TBC1D16: variants seen among roughly 807,000 people sequenced by gnomAD.
TBC1D16 encodes the protein TBC1 domain family member 16.
TBC1D16 carries 58 observed loss-of-function variants against 74.7 expected under a neutral mutation model. The ratio of observed to expected loss-of-function variants is 0.78; its 90% CI spans 0.63 to 0.97. The LOEUF is 0.97. Ranked by LOEUF, TBC1D16 falls within the 50% of genes least tolerant of loss-of-function variation. TBC1D16 has a pLI of 0.00. For synonymous variants in TBC1D16, 493 were observed against 474.7 expected (o/e 1.04, Z -0.50); for missense variants, 1,014 against 1,079.5 (o/e 0.94, Z 0.85).
rs1447434936 is a variant in TBC1D16 at position 79,941,850 on chromosome 17, C to T, written c.2055+210G>A. Among the ~76,000 whole-genome samples, 1 of 151,558 alleles carries T rather than the reference C, an allele frequency of 6.6e-6. No homozygotes were observed. The highest frequency in any genetic ancestry group is 1.5e-5 in the Non-Finnish European group (1 of 67,996). On this transcript the variant is annotated intron_variant, in intron 11 of 11. Transcript: ENST00000310924. The surrounding 1 kb of genome is among the most constrained non-coding windows in gnomAD (Gnocchi z 4.3). ...ACCCCAGGAAAGTGAGGTGACACAG[C>T]CAGGCCGAGACAGGTGCTGACCACG...
In TBC1D16 at chr17:80,009,875, C is replaced by G. The variant is rs920078671; in HGVS notation, c.779+285G>C. On this transcript the variant is annotated intron_variant, in intron 3 of 11. Transcript: ENST00000310924. The surrounding 1 kb of genome is among the most constrained non-coding windows in gnomAD (Gnocchi z 5.4). ...AGCCTTGGTCATGGGCCCATCAGACCTGGTAGGGCCTGTTTAGTCCTAGTG... is the reference window on the plus strand; with the variant it reads ...AGCCTTGGTCATGGGCCCATCAGACGTGGTAGGGCCTGTTTAGTCCTAGTG... 6.6e-6 allele frequency among the ~76,000 whole-genome samples: 1 copy of G among 152,194 alleles called. No homozygotes were observed. The highest frequency in any genetic ancestry group is 2.4e-5 in the African/African-American group (1 of 41,454).
intron 1 of TBC1D16, among the ~76,000 whole-genome samples, chr17:80,032,992 G>A (rs563787374): frequency 6.6e-6 from 1 of 152,266 alleles, no homozygotes; most frequent in Admixed American, 6.5e-5. Flanking sequence ...CCAGCCCCCG[G>A]TCAAGTTGTA....
At chr17:80,011,621 T>A (rs1173820332) in intron 2 of TBC1D16, among the ~76,000 whole-genome samples, 1 of 152,040 alleles carries the variant, frequency 6.6e-6, no homozygotes, top group African/African-American at 2.4e-5. Flanking sequence ...GGTCAGGAGA[T>A]CGAGACCATC....
chr17:80,034,190 T>C (rs1034247886), intron 1 of TBC1D16, among the ~76,000 whole-genome samples: 1 of 125,380 alleles, frequency 8.0e-6, no homozygotes, highest in Admixed American at 8.4e-5. Context: ...AGATAAAAAC[T>C]TTTTTTTTCC....
rs780785193 is a variant in TBC1D16 at position 79,952,772 on chromosome 17, C to T, written c.826G>A (p.Gly276Ser). Residue 276 changes from glycine to serine, a missense_variant, in exon 4 of 12, where the codon GGC becomes AGC. By Grantham distance (56) the Gly-to-Ser change is moderately conservative (BLOSUM62 0). Transcript: ENST00000310924. The stretch of plus-strand genomic sequence containing the variant: ...TCCCAGCGTGGGGTCTGCAGGAGGC[C>T]GTTGCTGTCCGGGAACCGCAGGCCG... ...DAGLRFPDSN[G>S]LLQTPRWDEP... 2.4e-5 allele frequency: 38 copies of T among 1,611,784 alleles called. No homozygotes were observed. Among genetic ancestry groups the T allele is most frequent in the East Asian group, 2.2e-4 (10 of 44,842 alleles).
At chr17:80,017,680 C>CAAAAAA (rs57336950) in intron 1 of TBC1D16, among the ~76,000 whole-genome samples, 4 of 84,848 alleles carry the variant, frequency 4.7e-5, no homozygotes, top group Non-Finnish European at 7.2e-5. Flanking sequence ...GACTCCATCT[C>CAAAAAA]AAAAAAAAAA....
chr17:79,947,706 C>A lies in TBC1D16; in HGVS notation c.1667G>T (p.Gly556Val), dbSNP rs972521398. 1.2e-6 allele frequency: 2 copies of A among 1,614,144 alleles called. No individual in the cohort carries two copies. Among genetic ancestry groups the A allele is most frequent in the Non-Finnish European group, 1.7e-6 (2 of 1,180,038 alleles). The change falls in exon 9 of 12, where the codon GGT (glycine) becomes GTT (valine). Residue 556 changes from glycine to valine, a missense_variant. Coordinates refer to ENST00000310924, the MANE Select transcript of TBC1D16 (RefSeq NM_019020.4). ...DESDTFWCFV[G>V]LMQNTIFVSS... is the part of the protein sequence containing the mutation. The stretch of plus-strand genomic sequence containing the variant: ...GACGAAGATCGTGTTCTGCATCAAA[C>A]CCACAAAGCACCAGAAGGTGTCTGA...
chr17:80,033,656 G>C (rs1180056629), intron 1 of TBC1D16, among the ~76,000 whole-genome samples: 1 of 152,224 alleles, frequency 6.6e-6, no homozygotes, highest in Admixed American at 6.5e-5. Flanking sequence ...ACTATGCCCA[G>C]TCCAGGATTT....
chr17:80,030,333 C>T (rs192821619), intron 1 of TBC1D16, among the ~76,000 whole-genome samples: 7 of 152,148 alleles, frequency 4.6e-5, no homozygotes, highest in Admixed American at 4.6e-4. Flanking sequence ...GGATGAGGAC[C>T]GAGGCCTAGA....
chr17:80,009,810 C>T lies in TBC1D16; in HGVS notation c.779+350G>A, dbSNP rs916651512. On this transcript the variant is annotated intron_variant, in intron 3 of 11. Coordinates refer to ENST00000310924, the MANE Select transcript of TBC1D16 (RefSeq NM_019020.4). The surrounding 1 kb of genome is among the most constrained non-coding windows in gnomAD (Gnocchi z 5.4). ...GGGGACTGAAAATCTCCTGCCCCTC[C>T]GGTGATGGGAACAGAAGGGACCAGG... 6.6e-6 allele frequency among the ~76,000 whole-genome samples: 1 copy of T among 152,182 alleles called. No homozygotes were observed. The highest frequency in any genetic ancestry group is 2.4e-5 in the African/African-American group (1 of 41,460).
At chr17:80,025,331 A>G (rs988108982) in intron 1 of TBC1D16, among the ~76,000 whole-genome samples, 16 of 54,790 alleles carry the variant, frequency 2.9e-4, no homozygotes, top group Non-Finnish European at 4.6e-4. Flanking sequence ...AGGATTAGGG[A>G]AGCCCCAGGC....
At chr17:79,962,447 C>A (rs1295204607) in intron 3 of TBC1D16, among the ~76,000 whole-genome samples, 1 of 151,658 alleles carries the variant, frequency 6.6e-6, no homozygotes, top group Non-Finnish European at 1.5e-5. Context: ...CTCCTGACCT[C>A]AGGTGATCCG....
At position 79,942,286 on chromosome 17, in the gene TBC1D16, G is replaced by C. The variant is rs917082644; in HGVS notation, c.1909-80C>G. ...ACTCAGGGGGAAACTGAGTGCCAGGGTGCGAGTGAGGGCTCCAGGGCGAGG... is the reference window on the plus strand; with the variant it reads ...ACTCAGGGGGAAACTGAGTGCCAGGCTGCGAGTGAGGGCTCCAGGGCGAGG... On this transcript the variant is annotated intron_variant, in intron 10 of 11. Transcript: ENST00000310924. 2.1e-6 allele frequency: 3 copies of C among 1,441,972 alleles called. No homozygotes were observed. The Admixed American group carries it at 6.2e-5, about 30-fold the overall frequency. The allele number at this position is 1,441,972 out of a possible 1,614,324, so 89.3% of individuals were successfully genotyped here.
Position 80,030,984 on chromosome 17 carries a change from G to A in TBC1D16, c.-63+4811C>T, listed in dbSNP as rs568243793. 6.6e-5 allele frequency among the ~76,000 whole-genome samples: 10 copies of A among 152,310 alleles called. No homozygotes were observed. In the South Asian group the frequency reaches 1.9e-3, roughly 28 times the overall value. On this transcript the variant is annotated intron_variant, in intron 1 of 11. Transcript: ENST00000310924. The stretch of plus-strand genomic sequence containing the variant: ...CTTATTAAACACGAGCCAGACACAC[G>A]CAAACAAGGATCGCGTTGCCCCCGC...
rs897882100 is a variant in TBC1D16, at chr17:79,979,212, C to T, written c.780-26394G>A. ...TGGGCAGGGAAGGCCAGAGCACACACGCTCCGGGGACGCACACCCACGCCT... is the reference window on the plus strand; with the variant it reads ...TGGGCAGGGAAGGCCAGAGCACACATGCTCCGGGGACGCACACCCACGCCT... On this transcript the variant is annotated intron_variant, in intron 3 of 11. Transcript: ENST00000310924. The surrounding 1 kb of genome is among the most constrained non-coding windows in gnomAD (Gnocchi z 4.8). 2.6e-5 allele frequency among the ~76,000 whole-genome samples: 4 copies of T among 152,054 alleles called. No homozygotes were observed. Among genetic ancestry groups the T allele is most frequent in the Non-Finnish European group, 4.4e-5 (3 of 68,010 alleles).
chr17:79,958,187 TC>T (rs1434793126), intron 3 of TBC1D16, among the ~76,000 whole-genome samples: 1 of 150,818 alleles, frequency 6.6e-6, no homozygotes, highest in African/African-American at 2.4e-5. Context: ...CTCATTCAGC[TC>T]AGGGGGAGAA....
At position 79,958,097 on chromosome 17, in the gene TBC1D16, G is replaced by C. The variant is rs531458541; in HGVS notation, c.780-5279C>G. Among the ~76,000 whole-genome samples the C allele has an allele frequency of 5.5e-4, 84 of 152,112 alleles. 2 individuals are homozygous for C. The South Asian group carries it at 0.017, about 31-fold the overall frequency. ...GGAAATAGAAACGGGATAACATGGT[G>C]GGGGGATGGTTTATGAAATTGGCAT... On this transcript the variant is annotated intron_variant, in intron 3 of 11. Coordinates refer to ENST00000310924, the MANE Select transcript of TBC1D16 (RefSeq NM_019020.4).
rs541465774 is a variant in TBC1D16, at chr17:79,980,505, C to T, written c.780-27687G>A. 4.0e-4 allele frequency among the ~76,000 whole-genome samples: 61 copies of T among 152,278 alleles called. No individual in the cohort carries two copies. The highest frequency in any genetic ancestry group is 1.4e-3 in the African/African-American group (59 of 41,558). On this transcript the variant is annotated intron_variant, in intron 3 of 11. Transcript: ENST00000310924. This position sits in a 1 kb window ranked among gnomAD's most constrained non-coding sequence, Gnocchi z 7.0. ...TTTGTCCAGAAAAAGACACAGAACC[C>T]GCAGGCCCTGGAGGACCCTGAAGAT...
At chr17:80,018,996 T>C (rs2036193965) in intron 1 of TBC1D16, among the ~76,000 whole-genome samples, 1 of 150,196 alleles carries the variant, frequency 6.7e-6, no homozygotes, top group Non-Finnish European at 1.5e-5. Flanking sequence ...CTCTGTAGCC[T>C]GCGCGGTGTC....
Sources: gnomAD v4.1 joint callset for allele counts (sites outside exome capture counted in the v4.1 genomes callset) on GRCh38, gnomAD v4.1.1 for gene constraint, Gnocchi (gnomAD v3.1) non-coding constraint, MANE v1.5 for transcripts, NCBI Gene and HGNC (gene_info 2026-07-23, HGNC 2026-07-21) for gene names.